CMSS1: variants seen among roughly 807,000 people sequenced by gnomAD.
CMSS1 encodes the protein cms1 ribosomal small subunit homolog, also known as protein CMSS1.
CMSS1 carries 33 observed loss-of-function variants against 43.5 expected under a neutral mutation model. That is an observed-to-expected ratio of 0.76 (90% CI 0.57 to 1.01). The LOEUF is 1.01. Ranked by LOEUF, CMSS1 falls within the 50% of genes least tolerant of loss-of-function variation. The probability of loss-of-function intolerance (pLI) is 0.00; values close to 1 mark genes in which losing one functional copy is unlikely to be tolerated. For missense variants in CMSS1, 313 were observed against 326.4 expected (o/e 0.96, Z 0.32); for synonymous variants, 115 against 117.2 (o/e 0.98, Z 0.12).
chr3:100,101,004 G>T (rs1045023047), intron 1 of CMSS1, among the ~76,000 whole-genome samples: 1 of 152,136 alleles, frequency 6.6e-6, no homozygotes, highest in Admixed American at 6.6e-5. Flanking sequence ...GATGACAGTG[G>T]CATCTCACTT....
At chr3:100,069,108 T>G (rs1386884723) in intron 1 of CMSS1, among the ~76,000 whole-genome samples, 1 of 152,180 alleles carries the variant, frequency 6.6e-6, no homozygotes, top group African/African-American at 2.4e-5. Context: ...CAAACTAGTT[T>G]TGTTCCATTT....
chr3:100,115,579 CT>C, intron 1 of CMSS1, among the ~76,000 whole-genome samples: 1 of 19,548 alleles, frequency 5.1e-5, no homozygotes, highest in Non-Finnish European at 9.9e-5. Flanking sequence ...CTCTCTGTCT[CT>C]CTCTCTCTCT....
At chr3:100,144,975 C>T (rs182232653) in intron 1 of CMSS1, among the ~76,000 whole-genome samples, 12 of 152,098 alleles carry the variant, frequency 7.9e-5, no homozygotes, top group African/African-American at 2.2e-4. Context: ...TTGTACTTCG[C>T]CAGAGGGGTA....
intron 1 of CMSS1, among the ~76,000 whole-genome samples, chr3:99,953,500 G>C (rs1279639323): frequency 6.6e-6 from 1 of 152,150 alleles, no homozygotes; most frequent in Admixed American, 6.5e-5. Context: ...TAGGAAGGTG[G>C]CAGTTGATCT....
At chr3:99,900,919 A>T (rs187401408) in intron 1 of CMSS1, among the ~76,000 whole-genome samples, 10 of 152,196 alleles carry the variant, frequency 6.6e-5, no homozygotes, top group African/African-American at 2.2e-4. Flanking sequence ...GCCCTAGAGT[A>T]TGCCTGAGGG....
chr3:100,133,509 G>A (rs1418206780), intron 1 of CMSS1, among the ~76,000 whole-genome samples: 1 of 151,710 alleles, frequency 6.6e-6, no homozygotes. Context: ...CAATGAATAT[G>A]TACTATTTTT....
chr3:100,052,286 G>A lies in CMSS1; in HGVS notation c.65-94687G>A, dbSNP rs575871643. Among the ~76,000 whole-genome samples, 4 of 152,278 alleles carry A rather than the reference G, an allele frequency of 2.6e-5. No homozygotes were observed. The South Asian group carries it at 8.3e-4, about 32-fold the overall frequency. ...AGCAGACATGGCACAGTCCAGAAAC[G>A]AATAAAAAACTAATGCAGAGCAATA... On this transcript the variant is annotated intron_variant, in intron 1 of 9. Transcript: ENST00000421999.
At chr3:100,061,152 A>T (rs2065558502) in intron 1 of CMSS1, among the ~76,000 whole-genome samples, 1 of 152,232 alleles carries the variant, frequency 6.6e-6, no homozygotes, top group Non-Finnish European at 1.5e-5. Flanking sequence ...AAAAAAAAAA[A>T]ATTTTAAAAG....
At chr3:99,837,448 A>G (rs1383642408) in intron 1 of CMSS1, among the ~76,000 whole-genome samples, 1 of 152,168 alleles carries the variant, frequency 6.6e-6, no homozygotes, top group Non-Finnish European at 1.5e-5. Flanking sequence ...AGAAAAAAAA[A>G]AAACAGCCAA....
intron 1 of CMSS1, among the ~76,000 whole-genome samples, chr3:99,912,499 G>A (rs1039689209): frequency 2.0e-5 from 3 of 152,000 alleles, no homozygotes; most frequent in African/African-American, 4.8e-5. Flanking sequence ...TACCTCAGCC[G>A]CCCAGGTAGC....
chr3:99,988,225 C>T (rs1196518986), intron 1 of CMSS1, among the ~76,000 whole-genome samples: 1 of 151,140 alleles, frequency 6.6e-6, no homozygotes, highest in Non-Finnish European at 1.5e-5. Context: ...TGGCCGGGCG[C>T]AGTGCCTCAC....
At chr3:99,947,346 C>G (rs561895130) in intron 1 of CMSS1, among the ~76,000 whole-genome samples, 7 of 152,240 alleles carry the variant, frequency 4.6e-5, no homozygotes, top group Admixed American at 1.3e-4. Flanking sequence ...CATAAATCTT[C>G]CATACCATGA....
At chr3:99,902,395 A>G (rs1706465657) in intron 1 of CMSS1, among the ~76,000 whole-genome samples, 1 of 152,222 alleles carries the variant, frequency 6.6e-6, no homozygotes, top group South Asian at 2.1e-4. Flanking sequence ...ATGTTTTACA[A>G]GAAGCAGTTT....
At chr3:100,173,662 T>C (rs1236907573) in intron 8 of CMSS1, among the ~76,000 whole-genome samples, 2 of 152,156 alleles carry the variant, frequency 1.3e-5, no homozygotes, top group Non-Finnish European at 2.9e-5. Flanking sequence ...CTTTGAAGTG[T>C]GGGGAGGATT....
At chr3:99,900,037 A>G (rs934842640) in intron 1 of CMSS1, among the ~76,000 whole-genome samples, 1 of 152,256 alleles carries the variant, frequency 6.6e-6, no homozygotes, top group Non-Finnish European at 1.5e-5. Context: ...GATGAAATAA[A>G]TATAAATGTA....
At chr3:99,931,070 T>A (rs1457434490) in intron 1 of CMSS1, 3 of 1,570,968 alleles carry the variant, frequency 1.9e-6, no homozygotes, top group Non-Finnish European at 2.6e-6. Context: ...TTAATGGAAA[T>A]GGAGTTTTAA....
intron 8 of CMSS1, among the ~76,000 whole-genome samples, chr3:100,175,534 A>T (rs1333665878): frequency 4.6e-5 from 7 of 152,194 alleles, no homozygotes; most frequent in Non-Finnish European, 1.0e-4. Context: ...GAGAGTTTTT[A>T]ATAACAGGCA....
intron 1 of CMSS1, 143 bp downstream of exon 1, chr3:99,818,186 A>G: frequency 1.4e-6 from 1 of 699,670 alleles, no homozygotes; most frequent in Admixed American, 2.4e-5. Flanking sequence ...CTCGGGGAAA[A>G]TGGTGCAAGA....
intron 1 of CMSS1, among the ~76,000 whole-genome samples, chr3:99,842,271 G>A (rs536151474): frequency 4.6e-5 from 7 of 152,274 alleles, no homozygotes; most frequent in African/African-American, 1.4e-4. Flanking sequence ...CTCATAAGGA[G>A]GAGCTAAGCT....
Sources: allele counts gnomAD v4.1 joint callset (sites outside exome capture counted in the v4.1 genomes callset), GRCh38; gene constraint gnomAD v4.1.1; transcripts MANE v1.5; gene names NCBI Gene and HGNC (gene_info 2026-07-23, HGNC 2026-07-21).